GLRA3: variants seen among roughly 807,000 people sequenced by gnomAD.
The protein encoded by GLRA3 is glycine receptor subunit alpha-3.
Under a neutral mutation model 60.4 loss-of-function variants are expected in GLRA3, and 44 were observed. That is an observed-to-expected ratio of 0.73 (90% CI 0.57 to 0.94). The LOEUF (loss-of-function observed/expected upper bound fraction) is 0.94. GLRA3 is among the 40% of genes least tolerant of loss of function. GLRA3 has a pLI of 0.00. For missense variants in GLRA3, 508 were observed against 564.6 expected (o/e 0.90, Z 1.02); for synonymous variants, 223 against 192.9 (o/e 1.16, Z -1.29).
At chr4:174,781,693 G>A (rs1284245412) in intron 2 of GLRA3, among the ~76,000 whole-genome samples, 20 of 149,726 alleles carry the variant, frequency 1.3e-4, no homozygotes, top group African/African-American at 2.2e-4. Context: ...ACACCTCTAC[G>A]CAAATAAACT....
At chr4:174,777,895 C>T (rs930131683) in intron 2 of GLRA3, among the ~76,000 whole-genome samples, 1 of 152,026 alleles carries the variant, frequency 6.6e-6, no homozygotes, top group Non-Finnish European at 1.5e-5. Flanking sequence ...TCAGAAAAAC[C>T]AGAACTCAGA....
rs1323340092 is a variant in GLRA3, at chr4:174,724,734, T to C, written c.491+3741A>G. Reference sequence around the variant, plus strand: ...CTTGTGATTAATTCTCTATTTTCCTTTATCCAAGAATGTTTTGATTTCCCC... The same window carrying C: ...CTTGTGATTAATTCTCTATTTTCCTCTATCCAAGAATGTTTTGATTTCCCC... On this transcript the variant is annotated intron_variant, in intron 4 of 9. Transcript: ENST00000274093. Among the ~76,000 whole-genome samples, 4 of 152,198 alleles carry C rather than the reference T, an allele frequency of 2.6e-5. No individual in the cohort carries two copies. The East Asian group carries it at 7.7e-4, about 29-fold the overall frequency.
intron 1 of GLRA3, among the ~76,000 whole-genome samples, chr4:174,817,849 C>T (rs1740571714): frequency 1.3e-5 from 2 of 152,134 alleles, no homozygotes; most frequent in Non-Finnish European, 2.9e-5. Context: ...TCTAATGATC[C>T]ACCCACCTCA....
intron 5 of GLRA3, among the ~76,000 whole-genome samples, chr4:174,684,200 TA>T (rs891662196): frequency 2.9e-5 from 4 of 138,450 alleles, no homozygotes; most frequent in Non-Finnish European, 6.5e-5. Context: ...TATTGTATTT[TA>T]AAAAAAAGTA....
rs200427979 is a variant in GLRA3 at position 174,659,144 on chromosome 4, C to T, written c.981G>A (p.Val327=). ...CTGCATACTCCAGAAGTGCTGAAAA[C>T]ACAAAAAGGAGGCATACTGCCATCC... ...DIWMAVCLLF[V]FSALLEYAAV... The change falls in exon 8 of 10, where the codon GTG becomes GTA. Residue 327 remains valine, a synonymous_variant. Coordinates refer to ENST00000274093, the MANE Select transcript of GLRA3 (RefSeq NM_006529.4). The T allele has an allele frequency of 4.2e-5, 68 of 1,611,410 alleles. No individual in the cohort carries two copies. The highest frequency in any genetic ancestry group is 3.3e-4 in the Middle Eastern group (2 of 6,076).
Position 174,778,365 on chromosome 4 carries a change from T to C in GLRA3, c.199+10451A>G, listed in dbSNP as rs1054491972. Among the ~76,000 whole-genome samples the C allele has an allele frequency of 1.3e-4, 20 of 152,154 alleles. 1 individual carries two copies. Among genetic ancestry groups the C allele is most frequent in the Admixed American group, 4.6e-4 (7 of 15,272 alleles). ...TTCTTTTTTTTTCTTTTTTTGCTTT[T>C]ACCATGTCTCATATATTTTTCTCAG... On this transcript the variant is annotated intron_variant, in intron 2 of 9. Coordinates refer to ENST00000274093, the MANE Select transcript of GLRA3 (RefSeq NM_006529.4).
intron 1 of GLRA3, among the ~76,000 whole-genome samples, chr4:174,798,173 A>G (rs968733913): frequency 1.3e-5 from 2 of 152,206 alleles, no homozygotes; most frequent in Non-Finnish European, 2.9e-5. Context: ...AGTTATTTGC[A>G]CAGAGGGAAG....
chr4:174,679,793 C>T (rs927892336), intron 6 of GLRA3, among the ~76,000 whole-genome samples: 130 of 152,232 alleles, frequency 8.5e-4, no homozygotes, highest in Middle Eastern at 3.4e-3. Context: ...TTATTATTCA[C>T]ATGTGGGAGC....
chr4:174,825,120 T>C (rs1163009098), intron 1 of GLRA3, among the ~76,000 whole-genome samples: 1 of 152,110 alleles, frequency 6.6e-6, no homozygotes, highest in Non-Finnish European at 1.5e-5. Context: ...GGACAATTTA[T>C]TGCTATTTTC....
At chr4:174,778,415 C>A (rs1003605061) in intron 2 of GLRA3, among the ~76,000 whole-genome samples, 1 of 151,776 alleles carries the variant, frequency 6.6e-6, no homozygotes, top group Non-Finnish European at 1.5e-5. Context: ...AAAACAATAA[C>A]AAGCTAACCA....
intron 1 of GLRA3, among the ~76,000 whole-genome samples, chr4:174,811,860 G>A (rs991432762): frequency 2.0e-5 from 3 of 152,042 alleles, no homozygotes. Flanking sequence ...AGGTCACTGA[G>A]CATGATTTCA....
At chr4:174,646,292 A>G (rs1323954889) in intron 9 of GLRA3, among the ~76,000 whole-genome samples, 3 of 152,230 alleles carry the variant, frequency 2.0e-5, no homozygotes, top group Admixed American at 2.0e-4. Context: ...AAACAAACAT[A>G]ATCTATTTAA....
chr4:174,799,005 A>G (rs1739699672), intron 1 of GLRA3, among the ~76,000 whole-genome samples: 3 of 152,174 alleles, frequency 2.0e-5, no homozygotes, highest in Admixed American at 1.3e-4. Flanking sequence ...TAGGATCTTG[A>G]TTCTTGTCAC....
rs1478772587 is a variant in GLRA3 at position 174,639,807 on chromosome 4, T to C, written c.*3979A>G. 2 of 151,194 alleles carry C rather than the reference T, an allele frequency of 1.3e-5. No homozygotes were observed. The highest frequency in any genetic ancestry group is 3.9e-4 in the East Asian group (2 of 5,168). The allele number at this position is 151,194 out of a possible 1,614,324, so 9.4% of individuals were successfully genotyped here. A position where few individuals can be genotyped will look rare whatever the true frequency, so the allele number is the denominator to read the frequency against. On this transcript the variant is annotated 3_prime_UTR_variant, in exon 10 of 10. Transcript: ENST00000274093. ...ACAGTGTACACTGCTTATTTATCCATGAAAGGTTTATATAACAATAAAAAA... is the reference window on the plus strand; with the variant it reads ...ACAGTGTACACTGCTTATTTATCCACGAAAGGTTTATATAACAATAAAAAA...
At chr4:174,764,681 A>G (rs941292695) in intron 3 of GLRA3, among the ~76,000 whole-genome samples, 1 of 152,102 alleles carries the variant, frequency 6.6e-6, no homozygotes, top group African/African-American at 2.4e-5. Context: ...GAATAATGAG[A>G]TAAAGTTTTG....
chr4:174,753,628 C>T (rs1201468272), intron 3 of GLRA3, among the ~76,000 whole-genome samples: 11 of 152,056 alleles, frequency 7.2e-5, no homozygotes, highest in Non-Finnish European at 1.6e-4. Context: ...TCATGATAAT[C>T]TGATCATTTC....
chr4:174,677,404 G>C (rs561852492), intron 6 of GLRA3, 112 bp from the exon 7 acceptor site: 5 of 654,200 alleles, frequency 7.6e-6, no homozygotes, highest in African/African-American at 5.4e-5. Context: ...CTGTCCCCCA[G>C]GCTGGAGTGA....
chr4:174,798,850 G>A (rs1243323122), intron 1 of GLRA3, among the ~76,000 whole-genome samples: 3 of 152,142 alleles, frequency 2.0e-5, no homozygotes, highest in East Asian at 1.9e-4. Flanking sequence ...GAACCCGGGA[G>A]GCGGAGCTTG....
chr4:174,703,064 C>T (rs1735385947), intron 5 of GLRA3, among the ~76,000 whole-genome samples: 1 of 152,134 alleles, frequency 6.6e-6, no homozygotes, highest in East Asian at 1.9e-4. Context: ...GATAGCAGAA[C>T]TCAGAGAAAT....
Sources: gnomAD v4.1 joint callset for allele counts (sites outside exome capture counted in the v4.1 genomes callset) on GRCh38, gnomAD v4.1.1 for gene constraint, MANE v1.5 for transcripts, NCBI Gene and HGNC (gene_info 2026-07-23, HGNC 2026-07-21) for gene names.